Variants in PCNX2 observed in about 807,000 individuals in gnomAD.
PCNX2 encodes the protein pecanex-like protein 2.
In PCNX2, 168 loss-of-function variants were observed where a neutral mutation model predicts 223.8. The observed-to-expected ratio is 0.75, with a 90% CI of 0.66 to 0.85. The LOEUF (loss-of-function observed/expected upper bound fraction) is 0.85, where lower values mean the gene tolerates loss of function less well. Ranked by LOEUF, PCNX2 falls within the 40% of genes least tolerant of loss-of-function variation. The probability of loss-of-function intolerance (pLI) is 0.00; values close to 1 mark genes in which losing one functional copy is unlikely to be tolerated. For missense variants in PCNX2, 2,507 were observed against 2,675.5 expected, an observed-to-expected ratio of 0.94 and a Z score of 1.39; for synonymous variants, 1,006 against 1,052.6, an observed-to-expected ratio of 0.96 and a Z score of 0.86.
At chr1:233,107,963 T>A (rs922549175) in intron 21 of PCNX2, among the ~76,000 whole-genome samples, 1 of 152,210 alleles carries the variant, frequency 6.6e-6, no homozygotes, top group African/African-American at 2.4e-5. Flanking sequence ...AAGATGGCGA[T>A]GAGCGTGACC....
In PCNX2 at chr1:233,183,055, A is replaced by G. The variant is rs1189247774; in HGVS notation, c.3067-3880T>C. 1.1e-4 allele frequency among the ~76,000 whole-genome samples: 17 copies of G among 152,234 alleles called. No homozygotes were observed. The East Asian group carries it at 2.9e-3, about 26-fold the overall frequency. Reference sequence around the variant, plus strand: ...AATTAATGGTGGAAACACTTTCACTATGTTCTTTTATTATGTTTGGTATGA... The same window carrying G: ...AATTAATGGTGGAAACACTTTCACTGTGTTCTTTTATTATGTTTGGTATGA... On this transcript the variant is annotated intron_variant, in intron 15 of 33. Transcript: ENST00000258229.
chr1:233,126,680 G>C lies in PCNX2; in HGVS notation c.3837+8333C>G, dbSNP rs978356885. Among the ~76,000 whole-genome samples the C allele has an allele frequency of 6.6e-6, 1 of 151,994 alleles. No individual in the cohort carries two copies. Among genetic ancestry groups the C allele is most frequent in the African/African-American group, 2.4e-5 (1 of 41,368 alleles). Reference sequence around the variant, plus strand: ...TCCATTGCTTTTCTAATTTTATCATGATAAGAATATATTTAGGTATTACTT... The same window carrying C: ...TCCATTGCTTTTCTAATTTTATCATCATAAGAATATATTTAGGTATTACTT... On this transcript the variant is annotated intron_variant, in intron 21 of 33. Coordinates refer to ENST00000258229, the MANE Select transcript of PCNX2 (RefSeq NM_014801.4). This position sits in a 1 kb window ranked among gnomAD's most constrained non-coding sequence, Gnocchi z 4.8.
chr1:233,277,862 T>C (rs1660994945), intron 1 of PCNX2, among the ~76,000 whole-genome samples: 1 of 151,994 alleles, frequency 6.6e-6, no homozygotes, highest in Non-Finnish European at 1.5e-5. Flanking sequence ...AGAAGACCCA[T>C]ATTTAAGGGA....
intron 19 of PCNX2, among the ~76,000 whole-genome samples, chr1:233,148,979 G>A (rs868786411): frequency 7.2e-5 from 11 of 152,222 alleles, no homozygotes; most frequent in Non-Finnish European, 1.3e-4. Context: ...AGAAAAAGGA[G>A]GGCTTGCCCA....
At position 233,001,597 on chromosome 1, in the gene PCNX2, G is replaced by T; in HGVS notation, c.5037C>A (p.Asp1679Glu). 3.8e-6 allele frequency: 6 copies of T among 1,573,398 alleles called. No homozygotes were observed. The highest frequency in any genetic ancestry group is 4.3e-6 in the Non-Finnish European group (5 of 1,157,538). ...ITARDEWVFA[D>E]MDLLHKVVAP... The stretch of plus-strand genomic sequence containing the variant: ...CTACAACTTTATGCAGTAGGTCCAT[G>T]TCAGCAAATACCCACTCGTCACGTG... The change falls in exon 29 of 34, where the codon GAC (aspartate) becomes GAA (glutamate). Residue 1679 changes from aspartate to glutamate, a missense_variant. By Grantham distance (45) the Asp-to-Glu change is conservative (BLOSUM62 2). Transcript: ENST00000258229. The surrounding 1 kb of genome is among the most constrained non-coding windows in gnomAD (Gnocchi z 4.2).
At chr1:232,986,786 C>G (rs1669506515) in intron 32 of PCNX2, among the ~76,000 whole-genome samples, 1 of 152,140 alleles carries the variant, frequency 6.6e-6, no homozygotes, top group African/African-American at 2.4e-5. Flanking sequence ...GTTGGGGGTA[C>G]AGTGTGAGAA....
At chr1:233,070,704 TA>T (rs1306667341) in intron 23 of PCNX2, among the ~76,000 whole-genome samples, 1 of 151,830 alleles carries the variant, frequency 6.6e-6, no homozygotes, top group East Asian at 1.9e-4. Context: ...AAAATAGAAT[TA>T]GATGCAAATT....
At position 232,999,302 on chromosome 1, in the gene PCNX2, C is replaced by T. The variant is rs1253248210; in HGVS notation, c.5406G>A (p.Glu1802=). 10 of 1,609,936 alleles carry T rather than the reference C, an allele frequency of 6.2e-6. No homozygotes were observed. Among genetic ancestry groups the T allele is most frequent in the Non-Finnish European group, 8.5e-6 (10 of 1,178,004 alleles). ...ELIFLRNRNP[E]RGSIQNNKQV... ...GCTTATTGTTCTGGATACTGCCGCG[C>T]TCCGGATTGCGGTTGCGAAGAAATA... Residue 1802 remains glutamate (E), a synonymous_variant, in exon 31 of 34, where the codon GAG becomes GAA. Transcript: ENST00000258229.
At chr1:233,235,957 A>AAAATATATATATATATATATATATAT (rs369886650) in intron 9 of PCNX2, among the ~76,000 whole-genome samples, 12 of 93,092 alleles carry the variant, frequency 1.3e-4, no homozygotes, top group Non-Finnish European at 2.4e-4. Context: ...CATAAAAAAA[A>AAAATATATATATATATATATATATAT]ATATATATAT....
chr1:233,183,691 A>C (rs1455534200), intron 15 of PCNX2, among the ~76,000 whole-genome samples: 1 of 152,222 alleles, frequency 6.6e-6, no homozygotes, highest in Non-Finnish European at 1.5e-5. Context: ...CAGAAGCATA[A>C]CCATGAACAG....
chr1:233,232,869 G>GATAATA (rs1299207274), intron 9 of PCNX2: 1 of 981,070 alleles, frequency 1.0e-6, no homozygotes, highest in Admixed American at 6.2e-5. Context: ...TATCCATAAT[G>GATAATA]ATAATAATAA....
chr1:233,008,703 C>T (rs539624100), intron 28 of PCNX2, among the ~76,000 whole-genome samples: 14 of 152,270 alleles, frequency 9.2e-5, no homozygotes, highest in South Asian at 4.1e-4. Context: ...AAGCTGGGCA[C>T]GGAGGGTGCA....
At chr1:233,161,389 G>A in intron 17 of PCNX2, 26 bp from the exon 18 acceptor site, 1 of 1,593,530 alleles carries the variant, frequency 6.3e-7, no homozygotes, top group Non-Finnish European at 8.6e-7. Flanking sequence ...CAGCGGTAAA[G>A]GCGACTCTTC....
intron 12 of PCNX2, among the ~76,000 whole-genome samples, chr1:233,210,775 G>C (rs1681770294): frequency 1.3e-5 from 2 of 152,148 alleles, no homozygotes; most frequent in African/African-American, 4.8e-5. Context: ...GACACCATCA[G>C]GCCCCATCTG....
intron 21 of PCNX2, among the ~76,000 whole-genome samples, chr1:233,104,631 T>A (rs185387219): frequency 3.9e-5 from 6 of 152,180 alleles, no homozygotes; most frequent in Admixed American, 3.9e-4. Flanking sequence ...AATAAGCATA[T>A]GAAATATTTG....
At chr1:233,257,670 A>G (rs891029688) in intron 5 of PCNX2, among the ~76,000 whole-genome samples, 2 of 152,248 alleles carry the variant, frequency 1.3e-5, no homozygotes, top group African/African-American at 2.4e-5. Context: ...CTTAGAATCA[A>G]CTTTCCCAGA....
chr1:233,199,158 A>G (rs1356688520), intron 14 of PCNX2, 128 bp from the exon 15 acceptor site: 7 of 808,964 alleles, frequency 8.7e-6, no homozygotes, highest in South Asian at 1.8e-5. Flanking sequence ...TAATACATCT[A>G]TGGGATCCAT....
chr1:233,244,924 T>C (rs1659011180), intron 8 of PCNX2, among the ~76,000 whole-genome samples: 2 of 152,174 alleles, frequency 1.3e-5, no homozygotes, highest in Admixed American at 1.3e-4. Context: ...CCTCCAACCG[T>C]CCCACCAAAG....
intron 9 of PCNX2, among the ~76,000 whole-genome samples, chr1:233,231,885 C>T (rs1162971557): frequency 6.6e-6 from 1 of 152,142 alleles, no homozygotes; most frequent in African/African-American, 2.4e-5. Context: ...CTTCAACACC[C>T]CAAGTTCCAG....
Sources: allele counts gnomAD v4.1 joint callset (sites outside exome capture counted in the v4.1 genomes callset), GRCh38; gene constraint gnomAD v4.1.1; non-coding constraint Gnocchi (gnomAD v3.1); transcripts MANE v1.5; gene names NCBI Gene and HGNC (gene_info 2026-07-23, HGNC 2026-07-21).